MACROD2: variants seen among roughly 807,000 people sequenced by gnomAD.
MACROD2 encodes mono-ADP ribosylhydrolase 2.
In MACROD2, 36 loss-of-function variants were observed where a neutral mutation model predicts 70.4. That is an observed-to-expected ratio of 0.51 (90% CI 0.39 to 0.68). The LOEUF (loss-of-function observed/expected upper bound fraction) is 0.68, where lower values mean the gene tolerates loss of function less well. MACROD2 is among the 30% of genes least tolerant of loss of function. The pLI is 0.00. For missense variants in MACROD2, 496 were observed against 538.4 expected (o/e 0.92, Z 0.78); for synonymous variants, 172 against 178.8 (o/e 0.96, Z 0.30).
chr20:15,071,472 T>C (rs1374261134), intron 5 of MACROD2, among the ~76,000 whole-genome samples: 1 of 152,182 alleles, frequency 6.6e-6, no homozygotes, highest in Non-Finnish European at 1.5e-5. Context: ...GCTCAATAAA[T>C]GTCTTAAGAG....
intron 5 of MACROD2, among the ~76,000 whole-genome samples, chr20:15,067,354 G>A (rs772410948): frequency 2.6e-4 from 39 of 151,988 alleles, no homozygotes; most frequent in Non-Finnish European, 4.3e-4. Context: ...TTGTTTGTTT[G>A]TTTGTTTGTT....
intron 3 of MACROD2, among the ~76,000 whole-genome samples, chr20:14,355,695 AT>A (rs1303079050): frequency 2.6e-5 from 4 of 152,226 alleles, no homozygotes; most frequent in African/African-American, 9.6e-5. Context: ...GAAAGAAACT[AT>A]CAAAATGTTT....
chr20:14,162,531 T>C (rs1052199118), intron 3 of MACROD2, among the ~76,000 whole-genome samples: 2 of 152,188 alleles, frequency 1.3e-5, no homozygotes, highest in African/African-American at 2.4e-5. Context: ...TTTCTTTATA[T>C]ACCTGGGTGC....
At chr20:14,975,649 A>G (rs184686284) in intron 5 of MACROD2, among the ~76,000 whole-genome samples, 78 of 152,142 alleles carry the variant, frequency 5.1e-4, no homozygotes, top group African/African-American at 1.7e-3. Flanking sequence ...GGGGCTTTCC[A>G]TGTGTTACAG....
At chr20:14,304,972 A>C (rs1250125572) in intron 3 of MACROD2, among the ~76,000 whole-genome samples, 1 of 152,074 alleles carries the variant, frequency 6.6e-6, no homozygotes. Context: ...TTCAGTCTTG[A>C]CTATATATTA....
chr20:15,844,017 C>A (rs2064202381), intron 8 of MACROD2, among the ~76,000 whole-genome samples: 1 of 151,788 alleles, frequency 6.6e-6, no homozygotes, highest in South Asian at 2.1e-4. Context: ...ACCCACCTCA[C>A]TGTAGTATTC....
intron 3 of MACROD2, among the ~76,000 whole-genome samples, chr20:14,101,733 T>A (rs2054304422): frequency 6.6e-6 from 1 of 151,722 alleles, no homozygotes; most frequent in East Asian, 1.9e-4. Flanking sequence ...AATATTATAG[T>A]AACATAGTCT....
At chr20:14,104,951 T>C (rs887174782) in intron 3 of MACROD2, among the ~76,000 whole-genome samples, 1 of 152,230 alleles carries the variant, frequency 6.6e-6, no homozygotes, top group Non-Finnish European at 1.5e-5. Context: ...AGGTCAATTA[T>C]AGTTTAAATA....
At chr20:16,035,099 T>A (rs1447736325) in intron 15 of MACROD2, among the ~76,000 whole-genome samples, 1 of 4,910 alleles carries the variant, frequency 2.0e-4, no homozygotes, top group African/African-American at 2.3e-4. Flanking sequence ...TAAAATATTA[T>A]ATATTATATA....
intron 6 of MACROD2, among the ~76,000 whole-genome samples, chr20:15,319,263 T>C (rs2077847747): frequency 6.6e-6 from 1 of 152,112 alleles, no homozygotes; most frequent in Non-Finnish European, 1.5e-5. Flanking sequence ...AATAAATGAA[T>C]TGTACACTTA....
At chr20:15,072,232 G>A (rs767134290) in intron 5 of MACROD2, among the ~76,000 whole-genome samples, 2 of 152,098 alleles carry the variant, frequency 1.3e-5, no homozygotes, top group Non-Finnish European at 1.5e-5. Flanking sequence ...AATAGTTACA[G>A]GCGTGACTGA....
At chr20:14,265,484 G>A (rs1360994301) in intron 3 of MACROD2, among the ~76,000 whole-genome samples, 1 of 152,076 alleles carries the variant, frequency 6.6e-6, no homozygotes. Flanking sequence ...AAATTTCACT[G>A]AATCTAAGGG....
At chr20:14,540,781 G>A (rs1163339485) in intron 4 of MACROD2, among the ~76,000 whole-genome samples, 1 of 152,186 alleles carries the variant, frequency 6.6e-6, no homozygotes, top group Non-Finnish European at 1.5e-5. Flanking sequence ...CCTTAGAGAG[G>A]CTGGCAACAG....
At chr20:15,173,115 A>G (rs2076435164) in intron 5 of MACROD2, among the ~76,000 whole-genome samples, 1 of 149,838 alleles carries the variant, frequency 6.7e-6, no homozygotes, top group African/African-American at 2.5e-5. Flanking sequence ...AGGGACTCAA[A>G]TATTTTGCAA....
At chr20:14,455,297 T>C (rs766833434) in intron 3 of MACROD2, among the ~76,000 whole-genome samples, 6 of 151,858 alleles carry the variant, frequency 4.0e-5, no homozygotes, top group Non-Finnish European at 7.3e-5. Flanking sequence ...AACTTTTTGA[T>C]AGAAAGAGCT....
chr20:15,023,350 A>G (rs967778543), intron 5 of MACROD2, among the ~76,000 whole-genome samples: 3 of 152,168 alleles, frequency 2.0e-5, no homozygotes, highest in Non-Finnish European at 2.9e-5. Flanking sequence ...GATTCCCCCT[A>G]TGGAGAAGGG....
chr20:14,659,283 C>T (rs1256226010), intron 4 of MACROD2, among the ~76,000 whole-genome samples: 1 of 152,094 alleles, frequency 6.6e-6, no homozygotes, highest in Non-Finnish European at 1.5e-5. Context: ...ATGTATAATA[C>T]ATATATGATT....
At chr20:14,810,136 G>A (rs755526247) in intron 5 of MACROD2, among the ~76,000 whole-genome samples, 4 of 151,696 alleles carry the variant, frequency 2.6e-5, no homozygotes, top group South Asian at 2.1e-4. Context: ...ACACAACAAC[G>A]ACAAAATAAT....
chr20:14,081,092 C>T (rs1469727540), intron 2 of MACROD2, among the ~76,000 whole-genome samples: 1 of 152,196 alleles, frequency 6.6e-6, no homozygotes, highest in Non-Finnish European at 1.5e-5. Context: ...AAGAATCTTG[C>T]TAAGTTAGTT....
Sources: gnomAD v4.1 joint callset for allele counts (sites outside exome capture counted in the v4.1 genomes callset) on GRCh38, gnomAD v4.1.1 for gene constraint, MANE v1.5 for transcripts, NCBI Gene and HGNC (gene_info 2026-07-23, HGNC 2026-07-21) for gene names.